Variants in SPOCK1 observed in about 807,000 individuals in gnomAD.
The protein encoded by SPOCK1 is testican-1.
Under a neutral mutation model 55.3 loss-of-function variants are expected in SPOCK1, and 23 were observed. The observed-to-expected ratio is 0.42, with a 90% CI of 0.30 to 0.59. The LOEUF is 0.59. Ranked by LOEUF, SPOCK1 falls within the 20% of genes least tolerant of loss-of-function variation. SPOCK1 has a pLI of 0.22. For synonymous variants in SPOCK1, 226 were observed against 221.0 expected, an observed-to-expected ratio of 1.02 and a Z score of -0.20; for missense variants, 499 against 552.5, an observed-to-expected ratio of 0.90 and a Z score of 0.97.
chr5:137,472,035 C>T (rs777722370), intron 2 of SPOCK1, among the ~76,000 whole-genome samples: 3 of 152,208 alleles, frequency 2.0e-5, no homozygotes, highest in Admixed American at 2.0e-4. Context: ...AAGTCACAAA[C>T]TGTTCTTCCA....
rs548113357 is a variant in SPOCK1 at position 137,021,410 on chromosome 5, C to T, written c.590-28810G>A. ...ACAGAAGTCAATATGATAGTTAGCA[C>T]GAAATAAGGAGGAGAGAGGATGGGG... On this transcript the variant is annotated intron_variant, in intron 6 of 10. Coordinates refer to ENST00000394945, the MANE Select transcript of SPOCK1 (RefSeq NM_004598.4). Among the ~76,000 whole-genome samples the T allele has an allele frequency of 2.6e-4, 40 of 152,088 alleles. No homozygotes were observed. The South Asian group carries it at 4.2e-3, about 16-fold the overall frequency.
intron 5 of SPOCK1, among the ~76,000 whole-genome samples, chr5:137,092,860 C>T (rs749589139): frequency 4.6e-5 from 7 of 152,158 alleles, no homozygotes; most frequent in African/African-American, 7.2e-5. Context: ...CTCACAGTCA[C>T]GGAGGCTGAG....
intron 4 of SPOCK1, among the ~76,000 whole-genome samples, chr5:137,136,048 T>C (rs1753977503): frequency 1.3e-5 from 2 of 152,254 alleles, no homozygotes; most frequent in African/African-American, 4.8e-5. Context: ...TCAGAGTGAC[T>C]TGTCTTTTTC....
intron 4 of SPOCK1, among the ~76,000 whole-genome samples, chr5:137,113,675 A>T (rs1330278358): frequency 6.6e-6 from 1 of 152,232 alleles, no homozygotes; most frequent in East Asian, 1.9e-4. Context: ...TACTCAGCAG[A>T]GTGCCTGCAA....
intron 2 of SPOCK1, among the ~76,000 whole-genome samples, chr5:137,316,349 GA>G (rs932304576): frequency 6.6e-6 from 1 of 152,214 alleles, no homozygotes; most frequent in African/African-American, 2.4e-5. Flanking sequence ...CGGCTAGCTA[GA>G]AAAAATCCTT....
intron 3 of SPOCK1, among the ~76,000 whole-genome samples, chr5:137,251,917 T>C (rs779509823): frequency 6.6e-6 from 1 of 152,150 alleles, no homozygotes; most frequent in Non-Finnish European, 1.5e-5. Context: ...CGACATATTA[T>C]TTGCTTTTTT....
At chr5:137,061,962 T>C (rs1752402280) in intron 6 of SPOCK1, among the ~76,000 whole-genome samples, 1 of 152,148 alleles carries the variant, frequency 6.6e-6, no homozygotes, top group African/African-American at 2.4e-5. Flanking sequence ...CCACACGTGA[T>C]AGGAACAAAC....
At position 137,448,905 on chromosome 5, in the gene SPOCK1, G is replaced by T. The variant is rs1169173443; in HGVS notation, c.186+49468C>A. On this transcript the variant is annotated intron_variant, in intron 2 of 10. Transcript: ENST00000394945. ...ATCAGAAAAGCCCTGCCTGAGAGAAGAAGGTCTGCCCTTCAGTAGGAATCT... is the reference window on the plus strand; with the variant it reads ...ATCAGAAAAGCCCTGCCTGAGAGAATAAGGTCTGCCCTTCAGTAGGAATCT... Among the ~76,000 whole-genome samples the T allele has an allele frequency of 2.6e-5, 4 of 152,204 alleles. No homozygotes were observed. In the East Asian group the frequency reaches 7.7e-4, roughly 29 times the overall value.
intron 3 of SPOCK1, among the ~76,000 whole-genome samples, chr5:137,197,903 G>A (rs1482310518): frequency 6.6e-6 from 1 of 152,120 alleles, no homozygotes; most frequent in Non-Finnish European, 1.5e-5. Context: ...CACACTGTGA[G>A]GACTAAGTAA....
intron 2 of SPOCK1, among the ~76,000 whole-genome samples, chr5:137,479,889 G>C (rs150760408): frequency 6.6e-6 from 1 of 152,198 alleles, no homozygotes; most frequent in Non-Finnish European, 1.5e-5. Flanking sequence ...ACTGCATCAA[G>C]AAATTATATA....
At chr5:137,063,313 G>A (rs1170124014) in intron 6 of SPOCK1, among the ~76,000 whole-genome samples, 2 of 151,022 alleles carry the variant, frequency 1.3e-5, no homozygotes, top group African/African-American at 4.9e-5. Flanking sequence ...ATCTCTTCAG[G>A]TTCCACCATC....
intron 2 of SPOCK1, among the ~76,000 whole-genome samples, chr5:137,341,731 C>T (rs1750429039): frequency 1.3e-5 from 2 of 152,184 alleles, no homozygotes; most frequent in African/African-American, 4.8e-5. Flanking sequence ...AGAGACGACA[C>T]TTCCCAGCAT....
At chr5:137,066,280 A>G (rs1752503564) in intron 6 of SPOCK1, among the ~76,000 whole-genome samples, 1 of 152,164 alleles carries the variant, frequency 6.6e-6, no homozygotes, top group East Asian at 1.9e-4. Flanking sequence ...CTGGGATTAC[A>G]GGCACCAGCC....
intron 3 of SPOCK1, among the ~76,000 whole-genome samples, chr5:137,225,112 G>T (rs1285372819): frequency 6.6e-6 from 1 of 151,924 alleles, no homozygotes; most frequent in Non-Finnish European, 1.5e-5. Context: ...CCCAAGAGCC[G>T]CACACAGGAA....
chr5:137,195,721 G>T (rs946658682), intron 3 of SPOCK1, among the ~76,000 whole-genome samples: 5 of 152,204 alleles, frequency 3.3e-5, no homozygotes, highest in African/African-American at 1.2e-4. Context: ...TCCAAGGCAG[G>T]TGACTCAGCC....
intron 3 of SPOCK1, among the ~76,000 whole-genome samples, chr5:137,192,740 G>A (rs1755208733): frequency 6.6e-6 from 1 of 152,202 alleles, no homozygotes; most frequent in East Asian, 1.9e-4. Context: ...CAGCTAAAGT[G>A]AATGAGCTAG....
intron 2 of SPOCK1, among the ~76,000 whole-genome samples, chr5:137,337,845 T>C (rs991546940): frequency 6.6e-6 from 1 of 152,208 alleles, no homozygotes; most frequent in African/African-American, 2.4e-5. Flanking sequence ...CAAACAAGTA[T>C]GTCCACAGGA....
At chr5:137,052,661 T>C (rs2126998478) in intron 6 of SPOCK1, among the ~76,000 whole-genome samples, 1 of 152,312 alleles carries the variant, frequency 6.6e-6, no homozygotes, top group South Asian at 2.1e-4. Flanking sequence ...ACAATAATTA[T>C]AGTACTTTTA....
chr5:137,372,203 T>TA (rs1276956975), intron 2 of SPOCK1, among the ~76,000 whole-genome samples: 2 of 152,158 alleles, frequency 1.3e-5, no homozygotes, highest in Non-Finnish European at 2.9e-5. Flanking sequence ...TGTGTAGGTC[T>TA]AAAGAATGAT....
Sources: gnomAD v4.1 joint callset for allele counts (sites outside exome capture counted in the v4.1 genomes callset) on GRCh38, gnomAD v4.1.1 for gene constraint, MANE v1.5 for transcripts, NCBI Gene and HGNC (gene_info 2026-07-23, HGNC 2026-07-21) for gene names.